Variants in TEX11 observed in about 807,000 individuals in gnomAD.
TEX11 encodes testis-expressed protein 11.
TEX11 carries 7 observed loss-of-function variants against 84.4 expected under a neutral mutation model. The ratio of observed to expected loss-of-function variants is 0.08; its 90% CI spans 0.05 to 0.16. The LOEUF is 0.16. TEX11 is among the 10% of genes least tolerant of loss of function. The pLI is 1.00. For synonymous variants in TEX11, 264 were observed against 222.8 expected (o/e 1.18, Z -1.64); for missense variants, 551 against 660.5 (o/e 0.83, Z 1.82).
At chrX:70,729,937 T>C (rs142725264) in intron 11 of TEX11, among the ~76,000 whole-genome samples, 1,221 of 112,023 alleles carry the variant, frequency 0.011, 12 homozygotes, top group African/African-American at 0.038. Flanking sequence ...CAAGGGGAAG[T>C]CCATCAGACT....
chrX:70,866,780 A>T (rs1174571279), intron 4 of TEX11, among the ~76,000 whole-genome samples: 1 of 112,223 alleles, frequency 8.9e-6, no homozygotes, highest in Non-Finnish European at 1.9e-5. Flanking sequence ...CATAAACAGA[A>T]CCAATGACAA....
In TEX11 at chrX:70,725,286, T is replaced by C; in HGVS notation, c.901A>G (p.Thr301Ala). ...CCTTCAAGGAGTTCTTCATTAGATG[T>C]TTCGCCTTTCAAGAGGATTTTCATT... The part of the protein sequence containing the change: ...LKMKILLKGE[T>A]SNEELLEAVM... The change falls in exon 12 of 30, where the codon ACA becomes GCA. Residue 301 changes from threonine (T) to alanine (A), a missense_variant. Thr to Ala is a moderately conservative substitution (Grantham distance 58). Coordinates refer to ENST00000374333, the MANE Select transcript of TEX11 (RefSeq NM_031276.3). The C allele has an allele frequency of 8.3e-7, 1 of 1,199,672 alleles. No homozygotes were observed. Among genetic ancestry groups the C allele is most frequent in the Non-Finnish European group, 1.1e-6 (1 of 887,352 alleles).
chrX:70,692,370 C>T (rs1268077786), intron 13 of TEX11, among the ~76,000 whole-genome samples: 3 of 111,163 alleles, frequency 2.7e-5, no homozygotes. Context: ...TTGTACAGAT[C>T]TCTAGAACTT....
intron 9 of TEX11, among the ~76,000 whole-genome samples, chrX:70,747,788 T>C (rs2090778828): frequency 9.0e-6 from 1 of 111,276 alleles, no homozygotes; most frequent in Admixed American, 9.7e-5. Flanking sequence ...ATACTTTAAG[T>C]TCTAGGGTAC....
intron 2 of TEX11, among the ~76,000 whole-genome samples, chrX:70,902,839 T>C (rs1376695529): frequency 8.9e-6 from 1 of 112,601 alleles, no homozygotes; most frequent in East Asian, 2.7e-4. Context: ...TTTTTAACGC[T>C]TTTGTAGTAA....
chrX:70,610,612 A>T, intron 20 of TEX11, 69 bp from the exon 21 acceptor site: 1 of 1,067,569 alleles, frequency 9.4e-7, no homozygotes, highest in Non-Finnish European at 1.3e-6. Context: ...CTAAAAAGGG[A>T]CACTATTTGT....
chrX:70,680,975 C>T (rs1317281709), intron 14 of TEX11, among the ~76,000 whole-genome samples: 5 of 112,683 alleles, frequency 4.4e-5, no homozygotes, highest in Non-Finnish European at 9.4e-5. Flanking sequence ...TGCCTTAAAG[C>T]CTTTGTAAAA....
intron 7 of TEX11, among the ~76,000 whole-genome samples, chrX:70,850,556 A>C (rs2147850568): frequency 1.0e-5 from 1 of 98,117 alleles, no homozygotes; most frequent in East Asian, 3.3e-4. Flanking sequence ...AGCCTAGACA[A>C]CATAGTAAAA....
At chrX:70,837,777 C>G (rs1334503626) in intron 7 of TEX11, among the ~76,000 whole-genome samples, 1 of 111,340 alleles carries the variant, frequency 9.0e-6, no homozygotes, top group Non-Finnish European at 1.9e-5. Context: ...AAAGGGGTAT[C>G]CCTATAAAGG....
the TEX11 span, among the ~76,000 whole-genome samples, chrX:70,523,769 CTTTTTTT>C: frequency 2.2e-5 from 2 of 90,964 alleles, no homozygotes; most frequent in African/African-American, 8.1e-5. Flanking sequence ...TGGCCCCCCT[CTTTTTTT>C]TTTTTTTTTT....
intron 7 of TEX11, among the ~76,000 whole-genome samples, chrX:70,836,759 G>C (rs2091407580): frequency 1.8e-5 from 2 of 112,319 alleles, no homozygotes; most frequent in African/African-American, 6.5e-5. Context: ...GCTCACACCT[G>C]TAATCCCAGT....
At chrX:70,847,349 A>G (rs1341330308) in intron 7 of TEX11, among the ~76,000 whole-genome samples, 1 of 111,100 alleles carries the variant, frequency 9.0e-6, no homozygotes. Context: ...ACTGCTTTCT[A>G]TGGTCACTAT....
At chrX:70,858,401 C>T (rs1451321304) in intron 5 of TEX11, among the ~76,000 whole-genome samples, 2 of 105,152 alleles carry the variant, frequency 1.9e-5, no homozygotes, top group East Asian at 6.0e-4. Flanking sequence ...AAGATCATGC[C>T]ACTGCACTCC....
intron 7 of TEX11, among the ~76,000 whole-genome samples, chrX:70,841,433 G>A (rs1481274052): frequency 9.0e-6 from 1 of 110,712 alleles, no homozygotes; most frequent in Non-Finnish European, 1.9e-5. Context: ...TGAAACCAAC[G>A]AGAACAAAGA....
chrX:70,542,244 C>T (rs1333057749), intron 28 of TEX11, among the ~76,000 whole-genome samples: 1 of 111,107 alleles, frequency 9.0e-6, no homozygotes, highest in African/African-American at 3.3e-5. Context: ...TAGAGAGATC[C>T]TTTACCCCTT....
At chrX:70,526,540 G>A (rs2087824475), downstream of TEX11, among the ~76,000 whole-genome samples, 1 of 105,660 alleles carries the variant, frequency 9.5e-6, no homozygotes, top group Admixed American at 1.0e-4. Context: ...TTGCACTCCA[G>A]CCTGGGCGAC....
At chrX:70,798,124 C>T (rs2091166965) in intron 9 of TEX11, among the ~76,000 whole-genome samples, 1 of 108,323 alleles carries the variant, frequency 9.2e-6, no homozygotes, top group African/African-American at 3.4e-5. Context: ...TACCAAAAAA[C>T]TGTCAGAACT....
intron 4 of TEX11, among the ~76,000 whole-genome samples, chrX:70,868,799 T>A (rs1460151507): frequency 9.1e-6 from 1 of 110,116 alleles, no homozygotes; most frequent in African/African-American, 3.3e-5. Flanking sequence ...ACACTAAATG[T>A]TCTCACTCAT....
At chrX:70,735,670 A>G (rs771437711) in intron 11 of TEX11, among the ~76,000 whole-genome samples, 15 of 112,500 alleles carry the variant, frequency 1.3e-4, no homozygotes, top group Non-Finnish European at 2.6e-4. Context: ...TGCAGATTCA[A>G]CAAATTCCCT....
Sources: gnomAD v4.1 joint callset for allele counts (sites outside exome capture counted in the v4.1 genomes callset) on GRCh38, gnomAD v4.1.1 for gene constraint, MANE v1.5 for transcripts, NCBI Gene and HGNC (gene_info 2026-07-23, HGNC 2026-07-21) for gene names.